KCNMB2: variants seen among roughly 807,000 people sequenced by gnomAD.
KCNMB2 encodes calcium-activated potassium channel subunit beta-2.
KCNMB2 carries 9 observed loss-of-function variants against 24.5 expected under a neutral mutation model. The observed-to-expected ratio is 0.37, with a 90% CI of 0.22 to 0.64. KCNMB2 has a LOEUF of 0.64. Ranked by LOEUF, KCNMB2 falls within the 30% of genes least tolerant of loss-of-function variation. KCNMB2 has a pLI of 0.63. For synonymous variants in KCNMB2, 109 were observed against 104.4 expected (o/e 1.04, Z -0.27); for missense variants, 226 against 284.3 (o/e 0.79, Z 1.47).
rs1721895804 is a variant in KCNMB2, at chr3:178,696,835, CAAAAAGT to C, written c.-67-110504_-67-110498del. Among the ~76,000 whole-genome samples the C allele has an allele frequency of 2.6e-5, 3 of 114,458 alleles. No individual in the cohort carries two copies. The East Asian group carries it at 7.3e-4, about 28-fold the overall frequency. 75.1% of individuals were successfully genotyped at this position (114,458 alleles called of 152,430 possible). Reference sequence around the variant, plus strand: ...AAAAGTAAATAATGATATTATTTACCAAAAAGTAAATTACTTTTACCAAATAGTAAAC... The same window carrying C: ...AAAAGTAAATAATGATATTATTTACCAAATTACTTTTACCAAATAGTAAAC... On this transcript the variant is annotated intron_variant, in intron 1 of 4. Transcript: ENST00000452583.
chr3:178,567,483 A>G (rs1022497780), intron 1 of KCNMB2, among the ~76,000 whole-genome samples: 19 of 152,160 alleles, frequency 1.2e-4, no homozygotes, highest in African/African-American at 4.3e-4. Context: ...TACACAGAGA[A>G]CCTGAAATCA....
intron 1 of KCNMB2, among the ~76,000 whole-genome samples, chr3:178,784,922 C>T (rs927882582): frequency 8.0e-5 from 12 of 149,092 alleles, no homozygotes; most frequent in Non-Finnish European, 1.6e-4. Flanking sequence ...AAAAAGTATC[C>T]ACTCTTAATG....
At chr3:178,721,487 T>G (rs1022019071) in intron 1 of KCNMB2, among the ~76,000 whole-genome samples, 4 of 152,224 alleles carry the variant, frequency 2.6e-5, no homozygotes, top group African/African-American at 9.6e-5. Flanking sequence ...TGAAGGATAT[T>G]TCAATAGTTG....
chr3:178,827,172 C>T (rs1714868428), intron 3 of KCNMB2, among the ~76,000 whole-genome samples: 1 of 152,166 alleles, frequency 6.6e-6, no homozygotes, highest in African/African-American at 2.4e-5. Context: ...TACCCAAAAC[C>T]AAACCATCAA....
chr3:178,554,517 C>G (rs969839043), intron 1 of KCNMB2, among the ~76,000 whole-genome samples: 1 of 152,108 alleles, frequency 6.6e-6, no homozygotes, highest in African/African-American at 2.4e-5. Flanking sequence ...TCACCTAGAA[C>G]CTTATTAGAA....
At chr3:178,759,293 A>ATATATATATATATCTCTCCAAGAG (rs1711569317) in intron 1 of KCNMB2, among the ~76,000 whole-genome samples, 4 of 121,376 alleles carry the variant, frequency 3.3e-5, no homozygotes, top group Non-Finnish European at 6.9e-5. Context: ...CTCCAAGAGG[A>ATATATATATATATCTCTCCAAGAG]GACATATATA....
intron 1 of KCNMB2, among the ~76,000 whole-genome samples, chr3:178,749,693 C>T (rs1210677873): frequency 5.9e-5 from 9 of 152,276 alleles, no homozygotes; most frequent in African/African-American, 1.9e-4. Flanking sequence ...AAGCAATACA[C>T]TTGGATAATT....
At chr3:178,568,153 G>A (rs775363682) in intron 1 of KCNMB2, among the ~76,000 whole-genome samples, 18 of 152,132 alleles carry the variant, frequency 1.2e-4, no homozygotes, top group Non-Finnish European at 1.9e-4. Flanking sequence ...ATTTCCATAT[G>A]ACACTGCAGT....
At chr3:178,797,809 C>T (rs1015169871) in intron 1 of KCNMB2, among the ~76,000 whole-genome samples, 46 of 152,126 alleles carry the variant, frequency 3.0e-4, no homozygotes, top group African/African-American at 1.1e-3. Flanking sequence ...CTGTGATTTC[C>T]TTGAGCAGTG....
chr3:178,637,896 T>C (rs1047304745), intron 1 of KCNMB2, among the ~76,000 whole-genome samples: 2 of 152,194 alleles, frequency 1.3e-5, no homozygotes. Context: ...GATTTCAGTA[T>C]TTCTGTCAAT....
At chr3:178,679,975 C>A (rs1179872112) in intron 1 of KCNMB2, among the ~76,000 whole-genome samples, 1 of 151,912 alleles carries the variant, frequency 6.6e-6, no homozygotes, top group Non-Finnish European at 1.5e-5. Flanking sequence ...GCTTTTCCCC[C>A]AAGCAGTTGG....
chr3:178,587,739 C>CT (rs67539620), intron 1 of KCNMB2, among the ~76,000 whole-genome samples: 192 of 142,726 alleles, frequency 1.3e-3, no homozygotes, highest in African/African-American at 2.1e-3. Flanking sequence ...AGCCAGTAAT[C>CT]TTTTTTTTTT....
chr3:178,802,453 G>C (rs1713809664), intron 1 of KCNMB2, among the ~76,000 whole-genome samples: 1 of 152,156 alleles, frequency 6.6e-6, no homozygotes, highest in Non-Finnish European at 1.5e-5. Flanking sequence ...CCTTGCAGCT[G>C]TCACCTTGAG....
chr3:178,705,054 C>G (rs1028545600), intron 1 of KCNMB2, among the ~76,000 whole-genome samples: 4 of 152,082 alleles, frequency 2.6e-5, no homozygotes, highest in African/African-American at 9.7e-5. Flanking sequence ...CTAGGGTTTT[C>G]TAAGCCAAAA....
At chr3:178,757,261 C>A (rs1433569855) in intron 1 of KCNMB2, 2 of 135,130 alleles carry the variant, frequency 1.5e-5, no homozygotes, top group East Asian at 2.1e-4. Flanking sequence ...TATATATACA[C>A]GTGTGTGTGT....
intron 1 of KCNMB2, among the ~76,000 whole-genome samples, chr3:178,575,343 C>T (rs1364565286): frequency 6.6e-6 from 1 of 152,080 alleles, no homozygotes; most frequent in Admixed American, 6.6e-5. Context: ...TAAAATATAC[C>T]AAGACTGCTA....
chr3:178,642,599 C>T (rs1719765823), intron 1 of KCNMB2, among the ~76,000 whole-genome samples: 1 of 152,198 alleles, frequency 6.6e-6, no homozygotes, highest in Middle Eastern at 3.2e-3. Flanking sequence ...CTGAGATCCT[C>T]TCATCAGGTT....
At chr3:178,659,138 A>G (rs1720441784) in intron 1 of KCNMB2, among the ~76,000 whole-genome samples, 1 of 152,254 alleles carries the variant, frequency 6.6e-6, no homozygotes, top group Non-Finnish European at 1.5e-5. Flanking sequence ...AAGTCAGCTC[A>G]TGCATGAAGC....
chr3:178,727,008 A>G (rs763791567), intron 1 of KCNMB2, among the ~76,000 whole-genome samples: 3 of 152,136 alleles, frequency 2.0e-5, no homozygotes, highest in Non-Finnish European at 4.4e-5. Flanking sequence ...AACAAACTCT[A>G]TCTTCATTAA....
Sources: gnomAD v4.1 joint callset for allele counts (sites outside exome capture counted in the v4.1 genomes callset) on GRCh38, gnomAD v4.1.1 for gene constraint, MANE v1.5 for transcripts, NCBI Gene and HGNC (gene_info 2026-07-23, HGNC 2026-07-21) for gene names.